The following PLXDC2 variants were observed in gnomAD, a reference collection of about 807,000 sequenced individuals.
PLXDC2 encodes plexin domain containing 2.
Under a neutral mutation model 68.9 loss-of-function variants are expected in PLXDC2, and 40 were observed. The observed-to-expected ratio is 0.58, with a 90% confidence interval of 0.45 to 0.76. PLXDC2 has a LOEUF of 0.76. Among genes scored for constraint, PLXDC2 ranks in the 30% least tolerant of loss-of-function variants. The pLI is 0.00. For missense variants in PLXDC2, 644 were observed against 661.9 expected, an observed-to-expected ratio of 0.97 and a Z score of 0.30; for synonymous variants, 243 against 234.2, an observed-to-expected ratio of 1.04 and a Z score of -0.34.
At chr10:20,200,534 A>T (rs894136756) in intron 9 of PLXDC2, among the ~76,000 whole-genome samples, 1 of 152,038 alleles carries the variant, frequency 6.6e-6, no homozygotes, top group African/African-American at 2.4e-5. Context: ...AACATAAACA[A>T]TTGGCATTGC....
intron 3 of PLXDC2, among the ~76,000 whole-genome samples, chr10:20,062,760 G>A (rs180977730): frequency 6.6e-6 from 1 of 151,968 alleles, no homozygotes; most frequent in Admixed American, 6.6e-5. Flanking sequence ...ATGTATCTTG[G>A]AAGAAAATAT....
chr10:20,168,973 CT>C (rs537040796), intron 7 of PLXDC2, among the ~76,000 whole-genome samples: 1,535 of 151,834 alleles, frequency 0.01, 19 homozygotes, highest in Non-Finnish European at 0.014. Flanking sequence ...ATTCTGCCCC[CT>C]GTTTTCACCT....
At chr10:19,888,087 A>G (rs577468563) in intron 1 of PLXDC2, among the ~76,000 whole-genome samples, 15 of 152,362 alleles carry the variant, frequency 9.8e-5, no homozygotes, top group Non-Finnish European at 1.8e-4. Flanking sequence ...AGAAATTGTT[A>G]ATGAATTTGC....
At chr10:19,961,341 C>T (rs930608758) in intron 1 of PLXDC2, among the ~76,000 whole-genome samples, 1 of 152,224 alleles carries the variant, frequency 6.6e-6, no homozygotes, top group Admixed American at 6.5e-5. Context: ...TGTGAGGCCA[C>T]AGTTGGATCG....
Position 20,279,593 on chromosome 10 carries a change from A to G in PLXDC2, c.1474-110A>G, listed in dbSNP as rs1202206444. ...CTGTAGCTATAATAAGAGATAATTT[A>G]ATGTGTTAATTAATTCAACATTTAA... On this transcript the variant is annotated intron_variant, in intron 13 of 13. Coordinates refer to ENST00000377252, the MANE Select transcript of PLXDC2 (RefSeq NM_032812.9). The G allele has an allele frequency of 3.8e-6, 3 of 799,566 alleles. No individual in the cohort carries two copies. In the African/African-American group the frequency reaches 5.2e-5, roughly 14 times the overall value. 49.5% of individuals were successfully genotyped at this position (799,566 alleles called of 1,614,324 possible). A position where few individuals can be genotyped will look rare whatever the true frequency, so the allele number is the denominator to read the frequency against.
intron 10 of PLXDC2, among the ~76,000 whole-genome samples, chr10:20,212,455 G>A (rs1342958718): frequency 2.0e-5 from 3 of 151,978 alleles, no homozygotes; most frequent in East Asian, 3.9e-4. Context: ...GCAGTGACTC[G>A]CATTTATACT....
intron 4 of PLXDC2, among the ~76,000 whole-genome samples, chr10:20,088,798 A>C (rs1020030714): frequency 6.6e-6 from 1 of 152,230 alleles, no homozygotes; most frequent in Non-Finnish European, 1.5e-5. Context: ...TTATACTTTA[A>C]GTGCCTAGAG....
At position 20,287,979 on chromosome 10, in the gene PLXDC2, C is replaced by CGGGGGGGGGGGGGG. The variant is rs748974758; in HGVS notation, c.*8165_*8166insGGGGGGGGGGGGGG. The CGGGGGGGGGGGGGG allele has an allele frequency of 8.1e-5, 1 of 12,398 alleles. No homozygotes were observed. The highest frequency in any genetic ancestry group is 3.3e-4 in the African/African-American group (1 of 2,990). 0.8% of individuals were successfully genotyped at this position (12,398 alleles called of 1,614,324 possible). On this transcript the variant is annotated 3_prime_UTR_variant, in exon 14 of 14. Transcript: ENST00000377252. The stretch of plus-strand genomic sequence containing the variant: ...AGAAGAAATTGGGCACTTCTTGCGG[C>CGGGGGGGGGGGGGG]GGGGGAGGGGGGGGGGGCGGTGGCT...
Position 20,027,598 on chromosome 10 carries a change from T to C in PLXDC2, c.325-19271T>C, listed in dbSNP as rs147612685. 8.1e-4 allele frequency among the ~76,000 whole-genome samples: 123 copies of C among 151,974 alleles called. 2 individuals carry two copies. In the East Asian group the frequency reaches 0.018, roughly 23 times the overall value. ...TGCTTGCAGTCTGATTAATGATCTTTAAAATTGTGTAGATATCTCAACATG... is the reference window on the plus strand; with the variant it reads ...TGCTTGCAGTCTGATTAATGATCTTCAAAATTGTGTAGATATCTCAACATG... On this transcript the variant is annotated intron_variant, in intron 2 of 13. Transcript: ENST00000377252.
chr10:19,939,961 G>A lies in PLXDC2; in HGVS notation c.113-61814G>A, dbSNP rs995273137. 2.3e-4 allele frequency among the ~76,000 whole-genome samples: 35 copies of A among 151,854 alleles called. 1 individual carries two copies. The highest frequency in any genetic ancestry group is 7.5e-4 in the African/African-American group (31 of 41,166). ...GAGTTGAGATGTCAAAGAAGGGAACGAATTCCATTGGTATGGTTGGCTTTT... is the reference window on the plus strand; with the variant it reads ...GAGTTGAGATGTCAAAGAAGGGAACAAATTCCATTGGTATGGTTGGCTTTT... On this transcript the variant is annotated intron_variant, in intron 1 of 13. Transcript: ENST00000377252.
chr10:20,195,380 C>T (rs1425571468), intron 9 of PLXDC2, among the ~76,000 whole-genome samples: 1 of 152,102 alleles, frequency 6.6e-6, no homozygotes, highest in South Asian at 2.1e-4. Flanking sequence ...TTTCCAAGGA[C>T]CCAAATCAAC....
intron 1 of PLXDC2, among the ~76,000 whole-genome samples, chr10:19,938,989 A>G (rs1022307419): frequency 1.3e-5 from 2 of 152,202 alleles, no homozygotes. Context: ...GCATGAAAAA[A>G]AACTGAGATA....
At chr10:20,060,783 A>G (rs1011838927) in intron 3 of PLXDC2, among the ~76,000 whole-genome samples, 4 of 152,226 alleles carry the variant, frequency 2.6e-5, no homozygotes, top group Admixed American at 1.3e-4. Context: ...TACTAAGAGC[A>G]AAAAACTGAC....
Position 20,252,529 on chromosome 10 carries a change from A to G in PLXDC2, c.1473+7024A>G, listed in dbSNP as rs924885568. Among the ~76,000 whole-genome samples, 3 of 152,346 alleles carry G rather than the reference A, an allele frequency of 2.0e-5. No individual in the cohort carries two copies. In the East Asian group the frequency reaches 5.8e-4, roughly 29 times the overall value. ...AGAGAAGACTTTGCAGAGACAAAGA[A>G]TTAGAAAGAAAAGTTGGTTCCATAT... is the stretch of plus-strand genomic sequence containing the variant. On this transcript the variant is annotated intron_variant, in intron 13 of 13. Coordinates refer to ENST00000377252, the MANE Select transcript of PLXDC2 (RefSeq NM_032812.9).
intron 3 of PLXDC2, among the ~76,000 whole-genome samples, chr10:20,063,997 T>C (rs1250981311): frequency 6.6e-6 from 1 of 152,192 alleles, no homozygotes; most frequent in Non-Finnish European, 1.5e-5. Context: ...GTTAGCAAAT[T>C]CAGTCGATTT....
intron 5 of PLXDC2, 101 bp from the exon 6 acceptor site, chr10:20,147,683 A>AT (rs1834097725): frequency 2.9e-6 from 2 of 681,400 alleles, no homozygotes; most frequent in South Asian, 4.2e-5. Context: ...CAACTACCAG[A>AT]TTTGAAGGCC....
At chr10:20,167,873 A>T (rs1834395398) in intron 7 of PLXDC2, among the ~76,000 whole-genome samples, 1 of 152,150 alleles carries the variant, frequency 6.6e-6, no homozygotes, top group South Asian at 2.1e-4. Context: ...AAGCAATTTT[A>T]ATTTATTTAT....
intron 3 of PLXDC2, among the ~76,000 whole-genome samples, chr10:20,050,365 A>G (rs928048206): frequency 1.3e-5 from 2 of 152,170 alleles, no homozygotes; most frequent in Non-Finnish European, 2.9e-5. Flanking sequence ...AACAAATGGG[A>G]TCTAATTAAA....
intron 1 of PLXDC2, among the ~76,000 whole-genome samples, chr10:19,944,291 C>T (rs1833866325): frequency 6.6e-6 from 1 of 151,460 alleles, no homozygotes; most frequent in East Asian, 1.9e-4. Context: ...GCTTTTTTTT[C>T]CCTCCAACTT....
Sources: allele counts gnomAD v4.1 joint callset (sites outside exome capture counted in the v4.1 genomes callset), GRCh38; gene constraint gnomAD v4.1.1; transcripts MANE v1.5; gene names NCBI Gene and HGNC (gene_info 2026-07-23, HGNC 2026-07-21).